Variants in EYA4 observed in about 807,000 individuals in gnomAD.
EYA4 encodes the protein protein phosphatase EYA4.
A neutral mutation model predicts 87.9 loss-of-function variants in EYA4; 31 were observed. The ratio of observed to expected loss-of-function variants is 0.35; its 90% confidence interval spans 0.27 to 0.48. The LOEUF (loss-of-function observed/expected upper bound fraction) is 0.48, where lower values mean the gene tolerates loss of function less well. EYA4 is among the 20% of genes least tolerant of loss of function. The probability of loss-of-function intolerance (pLI) is 0.99; values close to 1 mark genes in which losing one functional copy is unlikely to be tolerated. For missense variants in EYA4, 678 were observed against 761.4 expected, an observed-to-expected ratio of 0.89 and a Z score of 1.29; for synonymous variants, 263 against 270.6, an observed-to-expected ratio of 0.97 and a Z score of 0.28.
intron 2 of EYA4, among the ~76,000 whole-genome samples, chr6:133,309,712 C>A (rs1780072427): frequency 6.6e-6 from 1 of 152,134 alleles, no homozygotes; most frequent in Admixed American, 6.6e-5. Context: ...ATCTCTTTTT[C>A]TGGTTTGAAA....
chr6:133,376,887 T>G (rs1369249766), intron 2 of EYA4, among the ~76,000 whole-genome samples: 1 of 151,864 alleles, frequency 6.6e-6, no homozygotes, highest in Non-Finnish European at 1.5e-5. Flanking sequence ...GCTTGAGGGG[T>G]GAATAGTATT....
rs566760948 is a variant in EYA4, at chr6:133,241,719, T to C, written c.-96T>C. 6.6e-6 allele frequency: 1 copy of C among 152,452 alleles called. No individual in the cohort carries two copies. The highest frequency in any genetic ancestry group is 1.9e-4 in the East Asian group (1 of 5,150). The allele number at this position is 152,452 out of a possible 1,614,324, so 9.4% of individuals were successfully genotyped here. Reference sequence around the variant, plus strand: ...ACTGAACCGCGGCTGGGACAGACACTTCGGGAACCCGAGGCGGACCGGGCG... The same window carrying C: ...ACTGAACCGCGGCTGGGACAGACACCTCGGGAACCCGAGGCGGACCGGGCG... On this transcript the variant is annotated 5_prime_UTR_variant, in exon 1 of 20. Coordinates refer to ENST00000355286, the MANE Select transcript of EYA4 (RefSeq NM_004100.5).
intron 11 of EYA4, among the ~76,000 whole-genome samples, chr6:133,475,836 C>T (rs1487521296): frequency 1.3e-5 from 2 of 152,078 alleles, no homozygotes; most frequent in Non-Finnish European, 2.9e-5. Context: ...GAAAGGATAG[C>T]ACCTGCAAAA....
intron 3 of EYA4, among the ~76,000 whole-genome samples, chr6:133,405,371 T>C (rs1250936161): frequency 6.6e-6 from 1 of 152,210 alleles, no homozygotes; most frequent in Non-Finnish European, 1.5e-5. Flanking sequence ...CCAGTGGTTC[T>C]GACTGAATAA....
intron 13 of EYA4, among the ~76,000 whole-genome samples, chr6:133,495,377 T>C (rs1562486860): frequency 7.7e-6 from 1 of 130,272 alleles, no homozygotes; most frequent in Non-Finnish European, 1.5e-5. Context: ...TAAATAAATA[T>C]AAATATATTC....
chr6:133,277,008 A>G (rs1286287715), intron 2 of EYA4, among the ~76,000 whole-genome samples: 1 of 152,154 alleles, frequency 6.6e-6, no homozygotes, highest in African/African-American at 2.4e-5. Context: ...GAGTATATTA[A>G]TGTCTCAAAA....
At chr6:133,437,717 C>T (rs775299282) in intron 3 of EYA4, among the ~76,000 whole-genome samples, 6 of 152,130 alleles carry the variant, frequency 3.9e-5, no homozygotes, top group Non-Finnish European at 8.8e-5. Context: ...AAGCAAGGCA[C>T]CTTCTTCCCA....
At chr6:133,358,861 G>C (rs1306753537) in intron 2 of EYA4, among the ~76,000 whole-genome samples, 1 of 152,124 alleles carries the variant, frequency 6.6e-6, no homozygotes, top group Non-Finnish European at 1.5e-5. Flanking sequence ...GGCACTATGA[G>C]AAGAAACAGA....
chr6:133,288,960 A>T (rs902237839), intron 2 of EYA4, among the ~76,000 whole-genome samples: 1 of 152,192 alleles, frequency 6.6e-6, no homozygotes, highest in Non-Finnish European at 1.5e-5. Context: ...GAGTTGTGGT[A>T]AGAAAAGGCA....
intron 7 of EYA4, among the ~76,000 whole-genome samples, chr6:133,461,793 T>A (rs963366171): frequency 6.7e-6 from 1 of 148,166 alleles, no homozygotes; most frequent in African/African-American, 2.5e-5. Context: ...TGTGGCATGA[T>A]GAAAGGAATG....
At chr6:133,355,025 A>G (rs766995624) in intron 2 of EYA4, among the ~76,000 whole-genome samples, 3 of 152,214 alleles carry the variant, frequency 2.0e-5, no homozygotes, top group Non-Finnish European at 4.4e-5. Context: ...TTTTGGGTAC[A>G]TAGATATCCT....
At chr6:133,410,125 GATAT>G (rs1789080192) in intron 3 of EYA4, among the ~76,000 whole-genome samples, 1 of 152,012 alleles carries the variant, frequency 6.6e-6, no homozygotes, top group Non-Finnish European at 1.5e-5. Flanking sequence ...ATAATATATA[GATAT>G]ATAGTCAGAT....
chr6:133,258,533 C>T (rs1775534982), intron 1 of EYA4, among the ~76,000 whole-genome samples: 1 of 152,182 alleles, frequency 6.6e-6, no homozygotes, highest in African/African-American at 2.4e-5. Flanking sequence ...CAACTTCCCT[C>T]AGTCCAGTAC....
Position 133,523,095 on chromosome 6 carries a change from G to A in EYA4, c.1656G>A (p.Leu552=), listed in dbSNP as rs1297082143. Residue 552 remains leucine, a synonymous_variant, in exon 18 of 20, where the codon CTG becomes CTA. Transcript: ENST00000355286. ...CINVLVTTTQ[L]IPALAKVLLY... Reference sequence around the variant, plus strand: ...ATGTCTTGGTAACGACAACTCAACTGATCCCAGCACTTGCGAAGGTTCTAC... The same window carrying A: ...ATGTCTTGGTAACGACAACTCAACTAATCCCAGCACTTGCGAAGGTTCTAC... 1.2e-5 allele frequency: 19 copies of A among 1,612,350 alleles called. No individual in the cohort carries two copies. Among genetic ancestry groups the A allele is most frequent in the Non-Finnish European group, 1.5e-5 (18 of 1,178,754 alleles).
At chr6:133,445,389 G>C (rs1239123339) in intron 3 of EYA4, among the ~76,000 whole-genome samples, 1 of 151,816 alleles carries the variant, frequency 6.6e-6, no homozygotes, top group Non-Finnish European at 1.5e-5. Context: ...CTTTCCTGTA[G>C]GTCTGAGTTT....
Position 133,468,697 on chromosome 6 carries a change from G to T in EYA4, c.936G>T (p.Leu312Phe), listed in dbSNP as rs201540810. 4.3e-6 allele frequency: 7 copies of T among 1,613,064 alleles called. No homozygotes were observed. The East Asian group carries it at 1.1e-4, about 26-fold the overall frequency. The change falls in exon 11 of 20, where the codon TTG becomes TTT. Residue 312 changes from leucine (L) to phenylalanine (F), a missense_variant. Leu to Phe is a conservative substitution (Grantham distance 22). Coordinates refer to ENST00000355286, the MANE Select transcript of EYA4 (RefSeq NM_004100.5). ...GTPSSTSTYQ[L>F]QESLPGLTNQ... ...CCTCTTCAACCTCTACTTATCAGTTGCAGGAATCTCTCCCAGGACTGACTA... is the reference window on the plus strand; with the variant it reads ...CCTCTTCAACCTCTACTTATCAGTTTCAGGAATCTCTCCCAGGACTGACTA...
intron 2 of EYA4, among the ~76,000 whole-genome samples, chr6:133,321,394 C>T (rs1371888906): frequency 6.6e-6 from 1 of 152,088 alleles, no homozygotes; most frequent in South Asian, 2.1e-4. Flanking sequence ...GATGATGGAG[C>T]CTCTCAGTTG....
intron 3 of EYA4, 39 bp from the exon 4 acceptor site, chr6:133,446,591 G>A (rs557804694): frequency 4.3e-6 from 7 of 1,612,574 alleles, no homozygotes; most frequent in Non-Finnish European, 5.9e-6. Flanking sequence ...AATAACTGCT[G>A]CAATTTCAAC....
intron 2 of EYA4, among the ~76,000 whole-genome samples, chr6:133,335,858 T>C (rs1362369930): frequency 6.6e-6 from 1 of 152,092 alleles, no homozygotes; most frequent in Non-Finnish European, 1.5e-5. Context: ...CCTAGAGCAA[T>C]AGGAAAGCTT....
Sources: gnomAD v4.1 joint callset for allele counts (sites outside exome capture counted in the v4.1 genomes callset) on GRCh38, gnomAD v4.1.1 for gene constraint, MANE v1.5 for transcripts, NCBI Gene and HGNC (gene_info 2026-07-23, HGNC 2026-07-21) for gene names.